The following ZNF233 variants were observed in gnomAD, a reference collection of about 807,000 sequenced individuals.
ZNF233 encodes the protein zinc finger protein 233.
ZNF233 carries 7 observed loss-of-function variants against 11.6 expected under a neutral mutation model. That is an observed-to-expected ratio of 0.60 (90% CI 0.34 to 1.13). The LOEUF is 1.13. Among genes scored for constraint, ZNF233 ranks in the 50% most tolerant of loss-of-function variants. ZNF233 has a pLI of 0.03. For synonymous variants in ZNF233, 226 were observed against 268.5 expected, an observed-to-expected ratio of 0.84 and a Z score of 1.55; for missense variants, 711 against 785.5, an observed-to-expected ratio of 0.91 and a Z score of 1.13.
At chr19:44,267,356 T>G (rs1371050631) in intron 4 of ZNF233, 1 of 396,736 alleles carries the variant, frequency 2.5e-6, no homozygotes, top group Non-Finnish European at 4.4e-6. Context: ...GGGTGCTTTT[T>G]TTTTTTTTTT....
At position 44,266,735 on chromosome 19, in the gene ZNF233, G is replaced by A. The variant is rs1599874223; in HGVS notation, c.143-131G>A. 6.8e-6 allele frequency: 4 copies of A among 589,078 alleles called. No individual in the cohort carries two copies. The East Asian group carries it at 1.1e-4, about 16-fold the overall frequency. The allele number at this position is 589,078 out of a possible 1,614,324, so 36.5% of individuals were successfully genotyped here. A position where few individuals can be genotyped will look rare whatever the true frequency, so the allele number is the denominator to read the frequency against. On this transcript the variant is annotated intron_variant, in intron 3 of 4. Transcript: ENST00000683810. Reference sequence around the variant, plus strand: ...TGTGTACCGGATCACAAATTAAAAGGTATTCAGACAATAGCTCATGATCAC... The same window carrying A: ...TGTGTACCGGATCACAAATTAAAAGATATTCAGACAATAGCTCATGATCAC...
In ZNF233 at chr19:44,261,068, G is replaced by C. The variant is rs556529230; in HGVS notation, c.-48+1130G>C. Among the ~76,000 whole-genome samples, 401 of 152,252 alleles carry C rather than the reference G, an allele frequency of 2.6e-3. 2 individuals carry two copies. The highest frequency in any genetic ancestry group is 4.4e-3 in the Non-Finnish European group (300 of 68,010). On this transcript the variant is annotated intron_variant, in intron 1 of 4. Coordinates refer to ENST00000683810, the MANE Select transcript of ZNF233 (RefSeq NM_001207005.2). ...AAAGTAAAACAACAGGAAAGAGCCT[G>C]AACTGGGAGTTTGAGCTCAGGCTGA...
chr19:44,270,606 C>T (rs1345989286), intron 4 of ZNF233, among the ~76,000 whole-genome samples: 1 of 152,180 alleles, frequency 6.6e-6, no homozygotes, highest in East Asian at 1.9e-4. Context: ...AGCAGCTTAG[C>T]TTAACCCTAA....
rs1323113583 is a variant in ZNF233 at position 44,273,500 on chromosome 19, C to A, written c.840C>A (p.His280Gln). 2 of 1,614,216 alleles carry A rather than the reference C, an allele frequency of 1.2e-6. No homozygotes were observed. The highest frequency in any genetic ancestry group is 8.5e-7 in the Non-Finnish European group (1 of 1,180,044). Residue 280 changes from histidine (H) to glutamine (Q), a missense_variant, in exon 5 of 5, where the codon CAC (histidine) becomes CAA (glutamine). By Grantham distance (24) the His-to-Gln change is conservative. Transcript: ENST00000683810. ...GSNLELHQQL[H>Q]LRDKPHVNVE... ...ATCTTGAACTTCACCAGCAACTACACTTAAGAGACAAGCCTCATGTAAATG... is the reference window on the plus strand; with the variant it reads ...ATCTTGAACTTCACCAGCAACTACAATTAAGAGACAAGCCTCATGTAAATG...
Position 44,266,866 on chromosome 19 carries a change from G to C in ZNF233, c.143G>C (p.Gly48Ala). 1.2e-6 allele frequency: 2 copies of C among 1,611,180 alleles called. No homozygotes were observed. The highest frequency in any genetic ancestry group is 1.7e-6 in the Non-Finnish European group (2 of 1,178,534). The change falls in exon 4 of 5, where the codon GGC becomes GCC. Residue 48 changes from glycine (G) to alanine (A), a missense_variant and splice_region_variant. By Grantham distance (60) the Gly-to-Ala change is moderately conservative (BLOSUM62 0). Transcript: ENST00000683810. Reference protein sequence around the residue: ...LENFRNLLSVGYQPFKLDVIL... With the variant: ...LENFRNLLSVAYQPFKLDVIL... ...TATATATGCCATTTCTTTTTCACAG[G>C]CTATCAACCCTTCAAACTAGATGTG...
Position 44,274,300 on chromosome 19 carries a change from A to G in ZNF233, c.1640A>G (p.Gln547Arg). 1 of 1,614,032 alleles carries G rather than the reference A, an allele frequency of 6.2e-7. No individual in the cohort carries two copies. The highest frequency in any genetic ancestry group is 8.5e-7 in the Non-Finnish European group (1 of 1,179,942). The change falls in exon 5 of 5, where the codon CAG becomes CGG. Residue 547 changes from glutamine (Q) to arginine (R), a missense_variant. Physicochemically the swap from Gln to Arg is conservative, Grantham distance 43 (BLOSUM62 1). Transcript: ENST00000683810. The stretch of plus-strand genomic sequence containing the variant: ...GAGACATGTGGGAAGGGCTTTAGTC[A>G]GAGTTCGCATCTCCAAGACCATCAG... ...KCETCGKGFS[Q>R]SSHLQDHQQV...
intron 2 of ZNF233, among the ~76,000 whole-genome samples, chr19:44,265,364 T>C (rs1233439): frequency 0.14 from 7,811 of 57,394 alleles, 225 homozygotes; most frequent in Non-Finnish European, 0.15. Flanking sequence ...ATCATATATA[T>C]ATACACACAC....
intron 4 of ZNF233, among the ~76,000 whole-genome samples, chr19:44,268,767 CCT>C (rs983312595): frequency 6.6e-6 from 1 of 152,124 alleles, no homozygotes; most frequent in African/African-American, 2.4e-5. Context: ...TGCTTTCACC[CCT>C]CTCCTTCTAT....
chr19:44,273,894 C>A lies in ZNF233; in HGVS notation c.1234C>A (p.Gln412Lys), dbSNP rs773331727. 14 of 1,614,194 alleles carry A rather than the reference C, an allele frequency of 8.7e-6. No individual in the cohort carries two copies. The change falls in exon 5 of 5, where the codon CAA (glutamine) becomes AAA (lysine). Residue 412 changes from glutamine to lysine, a missense_variant. Gln to Lys is a moderately conservative substitution (Grantham distance 53, BLOSUM62 1). Transcript: ENST00000683810. ...TGATAAAGGCTTCAGTCAGACATCA[C>A]AACTTCAAGCCCATCAGAGAGGTCA... The part of the protein sequence containing the change: ...VYDKGFSQTS[Q>K]LQAHQRGHSR...
chr19:44,265,911 CAAGATT>C (rs1452951425), intron 2 of ZNF233, among the ~76,000 whole-genome samples: 1 of 152,152 alleles, frequency 6.6e-6, no homozygotes, highest in African/African-American at 2.4e-5. Flanking sequence ...CCGTGTGATT[CAAGATT>C]TACAGTGCTG....
At position 44,273,362 on chromosome 19, in the gene ZNF233, T is replaced by C; in HGVS notation, c.702T>C (p.Phe234=). The C allele has an allele frequency of 6.2e-7, 1 of 1,614,194 alleles. No homozygotes were observed. Among genetic ancestry groups the C allele is most frequent in the South Asian group, 1.1e-5 (1 of 91,078 alleles). ...DHGVHKREKA[F]SHNNCGKDCV... Reference sequence around the variant, plus strand: ...GAGTACACAAAAGAGAGAAAGCTTTTAGCCACAATAATTGTGGAAAAGACT... The same window carrying C: ...GAGTACACAAAAGAGAGAAAGCTTTCAGCCACAATAATTGTGGAAAAGACT... Residue 234 remains phenylalanine, a synonymous_variant, in exon 5 of 5, where the codon TTT becomes TTC. Transcript: ENST00000683810.
intron 4 of ZNF233, among the ~76,000 whole-genome samples, chr19:44,270,930 A>G (rs1975221571): frequency 6.6e-6 from 1 of 152,172 alleles, no homozygotes; most frequent in African/African-American, 2.4e-5. Context: ...TCACAGACCA[A>G]ACTTGATACA....
intron 4 of ZNF233, among the ~76,000 whole-genome samples, chr19:44,272,340 CAAAAAAA>C (rs34243089): frequency 1.1e-5 from 1 of 88,750 alleles, no homozygotes; most frequent in Admixed American, 1.2e-4. Context: ...CCTGCAGTCT[CAAAAAAA>C]AAAAAAAAAA....
intron 4 of ZNF233, among the ~76,000 whole-genome samples, chr19:44,272,011 G>T (rs1422894872): frequency 6.6e-6 from 1 of 150,538 alleles, no homozygotes; most frequent in Non-Finnish European, 1.5e-5. Flanking sequence ...GATGACTTGA[G>T]GTCAGGAGTT....
In ZNF233 at chr19:44,273,831, G is replaced by C; in HGVS notation, c.1171G>C (p.Asp391His). 6.2e-7 allele frequency: 1 copy of C among 1,614,070 alleles called. No individual in the cohort carries two copies. The highest frequency in any genetic ancestry group is 2.2e-5 in the East Asian group (1 of 44,900). The change falls in exon 5 of 5, where the codon GAC becomes CAC. Residue 391 changes from aspartate (D) to histidine (H), a missense_variant. Coordinates refer to ENST00000683810, the MANE Select transcript of ZNF233 (RefSeq NM_001207005.2). The part of the protein sequence containing the change: ...HSLDFDIHCV[D>H]SAGERACKCD... ...CTTAGATTTTGACATTCACTGTGTA[G>C]ACAGTGCTGGAGAGAGAGCCTGTAA...
intron 4 of ZNF233, chr19:44,267,351 CTT>C (rs112959957): frequency 0.011 from 4,031 of 367,938 alleles, 23 homozygotes; most frequent in African/African-American, 0.033. Flanking sequence ...GCCAAGGGTG[CTT>C]TTTTTTTTTT....
chr19:44,274,222 C>A lies in ZNF233; in HGVS notation c.1562C>A (p.Ser521Tyr), dbSNP rs1975327849. 6.2e-7 allele frequency: 1 copy of A among 1,606,506 alleles called. No individual in the cohort carries two copies. The highest frequency in any genetic ancestry group is 1.7e-5 in the Admixed American group (1 of 59,722). Residue 521 changes from serine to tyrosine, a missense_variant, in exon 5 of 5, where the codon TCT becomes TAT. By Grantham distance (144) the Ser-to-Tyr change is moderately radical. Transcript: ENST00000683810. ...DTCGKDFSQI[S>Y]HLQAHQRVHK... ...TGTGGGAAGGACTTCAGTCAGATCT[C>A]TCATCTTCAGGCCCATCAGAGAGTT...
At position 44,273,951 on chromosome 19, in the gene ZNF233, A is replaced by G; in HGVS notation, c.1291A>G (p.Ser431Gly). The G allele has an allele frequency of 6.2e-7, 1 of 1,613,498 alleles. No homozygotes were observed. ...AGACAAGACATACAAATGGGAAGTA[A>G]GTGACAGGATATTTAATAGGAATTC... ...SRDKTYKWEVSDRIFNRNSGL... is the reference protein window; with the variant it reads ...SRDKTYKWEVGDRIFNRNSGL... Residue 431 changes from serine (S) to glycine (G), a missense_variant, in exon 5 of 5, where the codon AGT becomes GGT. By Grantham distance (56) the Ser-to-Gly change is moderately conservative (BLOSUM62 0). Transcript: ENST00000683810.
Position 44,273,773 on chromosome 19 carries a change from A to C in ZNF233, c.1113A>C (p.Thr371=), listed in dbSNP as rs761278530. Residue 371 remains threonine (T), a synonymous_variant, in exon 5 of 5, where the codon ACA becomes ACC. Transcript: ENST00000683810. ...CTCACCCAGGAGAGAAGTTGTGTAC[A>C]TGTGGCAGGTGTGGGAAGGGCTTCC... ...ELTHPGEKLC[T]CGRCGKGFHH... is the part of the protein sequence containing the mutation. 1.2e-6 allele frequency: 2 copies of C among 1,614,088 alleles called. No homozygotes were observed. The highest frequency in any genetic ancestry group is 2.7e-5 in the African/African-American group (2 of 74,938).
Sources: gnomAD v4.1 joint callset for allele counts (sites outside exome capture counted in the v4.1 genomes callset) on GRCh38, gnomAD v4.1.1 for gene constraint, MANE v1.5 for transcripts, NCBI Gene and HGNC (gene_info 2026-07-23, HGNC 2026-07-21) for gene names.